FRAS1: variants seen among roughly 807,000 people sequenced by gnomAD.
FRAS1 encodes the protein extracellular matrix organizing protein FRAS1.
FRAS1 carries 290 observed loss-of-function variants against 435.2 expected under a neutral mutation model. That is an observed-to-expected ratio of 0.67 (90% confidence interval 0.61 to 0.73). FRAS1 has a LOEUF of 0.73. Among genes scored for constraint, FRAS1 ranks in the 30% least tolerant of loss-of-function variants. The pLI, the probability that FRAS1 is intolerant of heterozygous loss-of-function variation, is 0.00. For synonymous variants in FRAS1, 1,800 were observed against 1,851.0 expected (o/e 0.97, Z 0.71); for missense variants, 4,860 against 5,001.5 (o/e 0.97, Z 0.85).
intron 1 of FRAS1, among the ~76,000 whole-genome samples, chr4:78,063,912 T>C (rs1169311872): frequency 6.6e-6 from 1 of 152,150 alleles, no homozygotes; most frequent in Admixed American, 6.5e-5. Flanking sequence ...GTGATGATGA[T>C]CTTTATTCTA....
At chr4:78,321,346 T>C (rs958072414) in intron 18 of FRAS1, among the ~76,000 whole-genome samples, 2 of 152,196 alleles carry the variant, frequency 1.3e-5, no homozygotes, top group African/African-American at 4.8e-5. Context: ...CTAAGTCCAG[T>C]ATCCAGTATC....
intron 2 of FRAS1, among the ~76,000 whole-genome samples, chr4:78,184,911 C>A (rs1722206684): frequency 6.6e-6 from 1 of 152,258 alleles, no homozygotes; most frequent in East Asian, 1.9e-4. Context: ...TGTATGCTAC[C>A]AATGGCTCTG....
chr4:78,392,837 C>T (rs1057201210), intron 29 of FRAS1, among the ~76,000 whole-genome samples: 1 of 151,580 alleles, frequency 6.6e-6, no homozygotes, highest in Non-Finnish European at 1.5e-5. Context: ...AATGTCAGAA[C>T]CATTGGGGAA....
chr4:78,281,212 G>A (rs772505141), intron 10 of FRAS1, among the ~76,000 whole-genome samples, 186 bp from the exon 11 acceptor site: 3 of 152,210 alleles, frequency 2.0e-5, no homozygotes, highest in East Asian at 1.9e-4. Context: ...TCCTAGGCAC[G>A]TTGATTTCAC....
intron 66 of FRAS1, among the ~76,000 whole-genome samples, chr4:78,517,795 A>T (rs945225837): frequency 4.6e-5 from 7 of 152,120 alleles, no homozygotes; most frequent in African/African-American, 1.7e-4. Context: ...CTAAAGGAGG[A>T]TAAACAAAAA....
chr4:78,430,311 A>T lies in FRAS1; in HGVS notation c.4863A>T (p.Arg1621Ser), dbSNP rs2110386837. 2 of 1,613,942 alleles carry T rather than the reference A, an allele frequency of 1.2e-6. No homozygotes were observed. Among genetic ancestry groups the T allele is most frequent in the East Asian group, 4.5e-5 (2 of 44,860 alleles). The change falls in exon 37 of 74, where the codon AGA becomes AGT. Residue 1621 changes from arginine (R) to serine (S), a missense_variant. By Grantham distance (110) the Arg-to-Ser change is moderately radical. Transcript: ENST00000512123. ...CTGCAGGACTTCAGGTGGTAGTAAGAGATGCTGAGACAGCGCCCAAAGAAC... is the reference window on the plus strand; with the variant it reads ...CTGCAGGACTTCAGGTGGTAGTAAGTGATGCTGAGACAGCGCCCAAAGAAC... Reference protein sequence around the residue: ...STSVGLQVVVRDAETAPKELF... With the variant: ...STSVGLQVVVSDAETAPKELF...
chr4:78,073,584 CTA>C (rs1469178704), intron 2 of FRAS1, among the ~76,000 whole-genome samples: 1 of 152,030 alleles, frequency 6.6e-6, no homozygotes, highest in African/African-American at 2.4e-5. Flanking sequence ...TGTTTATTTT[CTA>C]TGTGATACAT....
chr4:78,433,641 C>T (rs892445807), intron 38 of FRAS1, among the ~76,000 whole-genome samples: 2 of 152,136 alleles, frequency 1.3e-5, no homozygotes, highest in Non-Finnish European at 2.9e-5. Flanking sequence ...TAATTCTTCT[C>T]ACGGGTCTAT....
chr4:78,491,404 A>G (rs1361282498), intron 59 of FRAS1, among the ~76,000 whole-genome samples: 2 of 152,242 alleles, frequency 1.3e-5, no homozygotes. Context: ...AAAATACTCA[A>G]TAAAATACTG....
rs191637134 is a variant in FRAS1 at position 78,303,157 on chromosome 4, A to C, written c.1535-4909A>C. On this transcript the variant is annotated intron_variant, in intron 14 of 73. Coordinates refer to ENST00000512123, the MANE Select transcript of FRAS1 (RefSeq NM_025074.7). The stretch of plus-strand genomic sequence containing the variant: ...TGTTTTTCTCAGGGTTGCCAAAGAT[A>C]AGATAGTTGTAGATATGCGGCATTA... Among the ~76,000 whole-genome samples, 66 of 152,252 alleles carry C rather than the reference A, an allele frequency of 4.3e-4. No individual in the cohort carries two copies. The Middle Eastern group carries it at 0.01, about 24-fold the overall frequency.
intron 70 of FRAS1, among the ~76,000 whole-genome samples, chr4:78,530,337 C>T (rs1451112176): frequency 6.6e-6 from 1 of 152,020 alleles, no homozygotes; most frequent in Non-Finnish European, 1.5e-5. Context: ...GCTGAGGATA[C>T]TGAGGCTTCA....
chr4:78,432,865 G>T (rs980416497), intron 38 of FRAS1, among the ~76,000 whole-genome samples: 1 of 152,110 alleles, frequency 6.6e-6, no homozygotes, highest in African/African-American at 2.4e-5. Flanking sequence ...CAGAAGAGGG[G>T]CCTAGTGCCA....
At chr4:78,470,727 A>G (rs1261569659) in intron 51 of FRAS1, among the ~76,000 whole-genome samples, 4 of 152,196 alleles carry the variant, frequency 2.6e-5, no homozygotes, top group Non-Finnish European at 4.4e-5. Context: ...GCCATTTTGT[A>G]TAAAGGACTT....
chr4:78,125,275 C>T (rs1719280029), intron 2 of FRAS1, among the ~76,000 whole-genome samples: 1 of 152,198 alleles, frequency 6.6e-6, no homozygotes, highest in Middle Eastern at 3.2e-3. Flanking sequence ...GCAGGCTGTT[C>T]AATTTCCATG....
At chr4:78,428,992 ACTGC>A in intron 35 of FRAS1, 99 bp from the exon 36 acceptor site, 2 of 1,226,176 alleles carry the variant, frequency 1.6e-6, no homozygotes, top group East Asian at 5.2e-5. Context: ...ATTTGTGGAA[ACTGC>A]CTGAAGAGGA....
Position 78,534,470 on chromosome 4 carries a change from C to G in FRAS1, c.10947C>G (p.Phe3649Leu). The change falls in exon 71 of 74, where the codon TTC becomes TTG. Residue 3649 changes from phenylalanine to leucine, a missense_variant. Phe to Leu is a conservative substitution (Grantham distance 22, BLOSUM62 0). Transcript: ENST00000512123. ...TTAGATTCCTGATACCCATTGCATT[C>G]CAGCAGACCAACCGCCCTGTGCCAG... ...APERFLIPIA[F>L]QQTNRPVPVV... 1 of 1,613,074 alleles carries G rather than the reference C, an allele frequency of 6.2e-7. No individual in the cohort carries two copies. Among genetic ancestry groups the G allele is most frequent in the Non-Finnish European group, 8.5e-7 (1 of 1,179,450 alleles).
intron 2 of FRAS1, among the ~76,000 whole-genome samples, chr4:78,098,747 C>T (rs1741954623): frequency 6.6e-6 from 1 of 152,226 alleles, no homozygotes; most frequent in African/African-American, 2.4e-5. Flanking sequence ...AAGGCATGGA[C>T]TTTGGCAACC....
intron 2 of FRAS1, among the ~76,000 whole-genome samples, chr4:78,067,987 T>C (rs1740136735): frequency 6.6e-6 from 1 of 151,858 alleles, no homozygotes; most frequent in Non-Finnish European, 1.5e-5. Context: ...CTGCTACATT[T>C]GTTTCTGAAC....
intron 29 of FRAS1, among the ~76,000 whole-genome samples, chr4:78,398,171 A>G (rs977820998): frequency 6.6e-6 from 1 of 152,204 alleles, no homozygotes; most frequent in African/African-American, 2.4e-5. Context: ...TATACTGCAA[A>G]AAAATCATTC....
Sources: gnomAD v4.1 joint callset for allele counts (sites outside exome capture counted in the v4.1 genomes callset) on GRCh38, gnomAD v4.1.1 for gene constraint, MANE v1.5 for transcripts, NCBI Gene and HGNC (gene_info 2026-07-23, HGNC 2026-07-21) for gene names.